HSPA4: variants seen among roughly 807,000 people sequenced by gnomAD.
HSPA4 encodes heat shock protein family A (Hsp70) member 4.
Under a neutral mutation model 106.2 loss-of-function variants are expected in HSPA4, and 25 were observed. That is an observed-to-expected ratio of 0.24 (90% confidence interval 0.17 to 0.33). The LOEUF is 0.33. Among genes scored for constraint, HSPA4 ranks in the 10% least tolerant of loss-of-function variants. The probability of loss-of-function intolerance (pLI) is 1.00; values close to 1 mark genes in which losing one functional copy is unlikely to be tolerated. For missense variants in HSPA4, 841 were observed against 996.0 expected (o/e 0.84, Z 2.10); for synonymous variants, 332 against 333.6 (o/e 1.00, Z 0.05).
At chr5:133,096,383 G>A (rs72801465) in intron 14 of HSPA4, 133 bp downstream of exon 14, 33,040 of 735,506 alleles carry the variant, frequency 0.045, 940 homozygotes, top group Non-Finnish European at 0.057. Flanking sequence ...CTTTTGTGTG[G>A]TATTGTAAGG....
At chr5:133,077,073 AAT>A (rs1484835352) in intron 7 of HSPA4, among the ~76,000 whole-genome samples, 175 bp downstream of exon 7, 1 of 152,230 alleles carries the variant, frequency 6.6e-6, no homozygotes, top group Non-Finnish European at 1.5e-5. Flanking sequence ...GGGTCTGGTT[AAT>A]AATGTAGACT....
intron 1 of HSPA4, among the ~76,000 whole-genome samples, chr5:133,053,751 T>A (rs1265492624): frequency 6.6e-6 from 1 of 151,736 alleles, no homozygotes; most frequent in Non-Finnish European, 1.5e-5. Flanking sequence ...CCTCGGCCTC[T>A]GGGGTTCATG....
chr5:133,075,394 C>T (rs906982586), intron 6 of HSPA4, among the ~76,000 whole-genome samples: 2 of 152,092 alleles, frequency 1.3e-5, no homozygotes, highest in African/African-American at 2.4e-5. Context: ...TCTAAATTGT[C>T]CTTCTGTGTT....
chr5:133,092,666 C>A, intron 12 of HSPA4, 34 bp from the exon 13 acceptor site: 7 of 1,386,598 alleles, frequency 5.0e-6, no homozygotes, highest in Non-Finnish European at 7.2e-6. Context: ...TTTAGTCTTC[C>A]TAATTGCAGG....
chr5:133,092,835 T>TGAGACAGAG, intron 13 of HSPA4, 46 bp downstream of exon 13: 1 of 881,374 alleles, frequency 1.1e-6, no homozygotes, highest in Non-Finnish European at 1.7e-6. Flanking sequence ...TTTTTTTTTT[T>TGAGACAGAG]TTTGAGACAG....
At chr5:133,066,388 A>AT (rs1198066046) in intron 2 of HSPA4, among the ~76,000 whole-genome samples, 3 of 152,122 alleles carry the variant, frequency 2.0e-5, no homozygotes, top group Non-Finnish European at 2.9e-5. Flanking sequence ...TTTTTTGAAT[A>AT]TTTTTGTCAG....
chr5:133,062,218 A>G (rs935210936), intron 1 of HSPA4, among the ~76,000 whole-genome samples: 3 of 152,196 alleles, frequency 2.0e-5, no homozygotes, highest in Admixed American at 6.6e-5. Context: ...TAGAAGCAAG[A>G]CAGTTTCAGA....
In HSPA4 at chr5:133,075,070, A is replaced by C. The variant is rs1458456312; in HGVS notation, c.663+944A>C. Among the ~76,000 whole-genome samples the C allele has an allele frequency of 2.6e-5, 4 of 152,028 alleles. No homozygotes were observed. In the East Asian group the frequency reaches 7.7e-4, roughly 29 times the overall value. ...GAGGCATTTTGAGACTTCATTTGTT[A>C]TGGTCTTGTTTCTTTGAAAAATAGA... On this transcript the variant is annotated intron_variant, in intron 6 of 18. Coordinates refer to ENST00000304858, the MANE Select transcript of HSPA4 (RefSeq NM_002154.4).
At chr5:133,053,733 C>T (rs1765120897) in intron 1 of HSPA4, among the ~76,000 whole-genome samples, 1 of 151,766 alleles carries the variant, frequency 6.6e-6, no homozygotes, top group Admixed American at 6.6e-5. Flanking sequence ...GCTCTCGGCT[C>T]ATTGCAACCT....
intron 12 of HSPA4, 104 bp from the exon 13 acceptor site, chr5:133,092,596 G>A: frequency 1.3e-6 from 1 of 784,544 alleles, no homozygotes; most frequent in Non-Finnish European, 2.2e-6. Flanking sequence ...CCTTCTGATT[G>A]CTGGTAATTC....
chr5:133,057,482 C>A (rs1293916647), intron 1 of HSPA4, among the ~76,000 whole-genome samples: 1 of 152,064 alleles, frequency 6.6e-6, no homozygotes, highest in Non-Finnish European at 1.5e-5. Flanking sequence ...CCTCAGCCTC[C>A]CGAATAGCTG....
chr5:133,088,715 T>C (rs1461327241), intron 9 of HSPA4, among the ~76,000 whole-genome samples, 160 bp downstream of exon 9: 1 of 152,222 alleles, frequency 6.6e-6, no homozygotes, highest in African/African-American at 2.4e-5. Flanking sequence ...CTAAAAATAA[T>C]TGTACTCTAT....
chr5:133,075,105 TTTATTTTC>T (rs1226207741), intron 6 of HSPA4, among the ~76,000 whole-genome samples: 1 of 152,222 alleles, frequency 6.6e-6, no homozygotes, highest in African/African-American at 2.4e-5. Flanking sequence ...ACGTTTCCAC[TTTATTTTC>T]TGGTTTTATA....
intron 2 of HSPA4, among the ~76,000 whole-genome samples, chr5:133,066,497 T>C (rs1355462604): frequency 6.6e-6 from 1 of 152,206 alleles, no homozygotes; most frequent in African/African-American, 2.4e-5. Flanking sequence ...CCAAAAATCA[T>C]ATAGACATTT....
intron 1 of HSPA4, among the ~76,000 whole-genome samples, chr5:133,061,634 C>A (rs558024038): frequency 6.1e-4 from 92 of 151,966 alleles, no homozygotes; most frequent in African/African-American, 2.1e-3. Flanking sequence ...CCCCTCCCCA[C>A]CACCCGACTG....
At chr5:133,063,284 T>TC (rs1561576636) in intron 1 of HSPA4, among the ~76,000 whole-genome samples, 1 of 143,086 alleles carries the variant, frequency 7.0e-6, no homozygotes, top group Non-Finnish European at 1.6e-5. Context: ...AGCTAATTTT[T>TC]TTGTATTTTT....
At chr5:133,053,701 C>T (rs1286532765) in intron 1 of HSPA4, among the ~76,000 whole-genome samples, 1 of 150,998 alleles carries the variant, frequency 6.6e-6, no homozygotes, top group Admixed American at 6.6e-5. Flanking sequence ...CTCTGTCGCC[C>T]CAGGCTGGAG....
chr5:133,095,754 T>C (rs1272197389), intron 13 of HSPA4, among the ~76,000 whole-genome samples: 1 of 152,182 alleles, frequency 6.6e-6, no homozygotes, highest in Non-Finnish European at 1.5e-5. Context: ...AAGTGTACCA[T>C]TCAGTAGTGT....
chr5:133,074,264 TTTTC>T (rs1342050961), intron 6 of HSPA4, 138 bp downstream of exon 6: 7 of 480,476 alleles, frequency 1.5e-5, no homozygotes, highest in African/African-American at 2.1e-5. Flanking sequence ...ATTTTTTTTC[TTTTC>T]TTTCTTTTTT....
Sources: gnomAD v4.1 joint callset for allele counts (sites outside exome capture counted in the v4.1 genomes callset) on GRCh38, gnomAD v4.1.1 for gene constraint, MANE v1.5 for transcripts, NCBI Gene and HGNC (gene_info 2026-07-23, HGNC 2026-07-21) for gene names.